Variants in PPP1R12A observed in about 807,000 individuals in gnomAD.
PPP1R12A encodes the protein myosin binding subunit.
PPP1R12A carries 19 observed loss-of-function variants against 139.6 expected under a neutral mutation model. The ratio of observed to expected loss-of-function variants is 0.14; its 90% confidence interval spans 0.09 to 0.20. PPP1R12A has a LOEUF of 0.20. PPP1R12A is among the 10% of genes least tolerant of loss of function. The pLI, the probability that PPP1R12A is intolerant of heterozygous loss-of-function variation, is 1.00. For missense variants in PPP1R12A, 925 were observed against 1,211.5 expected (o/e 0.76, Z 3.51); for synonymous variants, 427 against 420.6 (o/e 1.02, Z -0.19).
At chr12:79,813,732 T>G (rs10161115) in intron 9 of PPP1R12A, among the ~76,000 whole-genome samples, 16,947 of 152,210 alleles carry the variant, frequency 0.11, 1,785 homozygotes, top group African/African-American at 0.27. Context: ...CAGCTTGATA[T>G]TGCTACAGAA....
rs183456976 is a variant in PPP1R12A at position 79,899,487 on chromosome 12, G to A, written c.238-26549C>T. ...CTTCATGTAAATGGAATCTTAGAAC[G>A]TATCTTTATTTTGTGAAAGGCTTCT... On this transcript the variant is annotated intron_variant, in intron 1 of 24. Transcript: ENST00000450142. Among the ~76,000 whole-genome samples, 141 of 151,968 alleles carry A rather than the reference G, an allele frequency of 9.3e-4. 1 individual carries two copies. The highest frequency in any genetic ancestry group is 3.0e-3 in the African/African-American group (125 of 41,482).
upstream of PPP1R12A, chr12:79,935,169 C>G (rs1028789654): frequency 6.7e-6 from 9 of 1,335,074 alleles, no homozygotes; most frequent in Non-Finnish European, 8.6e-6. Flanking sequence ...CACGGCCACC[C>G]GTCACCGGCG....
chr12:79,888,512 G>C (rs1313393283), intron 1 of PPP1R12A, among the ~76,000 whole-genome samples: 1 of 151,994 alleles, frequency 6.6e-6, no homozygotes, highest in Non-Finnish European at 1.5e-5. Flanking sequence ...GCAGTAGCTT[G>C]AAGAGGCAGG....
At chr12:79,829,776 T>C (rs1017463986) in intron 4 of PPP1R12A, among the ~76,000 whole-genome samples, 1 of 152,126 alleles carries the variant, frequency 6.6e-6, no homozygotes, top group Non-Finnish European at 1.5e-5. Flanking sequence ...AATAATAATG[T>C]TAAATATGCT....
rs376887836 is a variant in PPP1R12A, at chr12:79,808,509, T to G, written c.1524A>C (p.Thr508=). Reference sequence around the variant, plus strand: ...TGTTTTCTTTCTCTTCAATGTCAGATGTACTGGCTAGTCGTCTTGGTATTG... The same window carrying G: ...TGTTTTCTTTCTCTTCAATGTCAGAGGTACTGGCTAGTCGTCTTGGTATTG... ...APTIPRRLAS[T]SDIEEKENRD... is the part of the protein sequence containing the mutation. The change falls in exon 11 of 25, where the codon ACA becomes ACC. Residue 508 remains threonine, a synonymous_variant. Transcript: ENST00000450142. The G allele has an allele frequency of 2.5e-6, 4 of 1,606,960 alleles. 1 individual carries two copies. The highest frequency in any genetic ancestry group is 3.3e-4 in the Middle Eastern group (2 of 6,072).
chr12:79,930,089 T>C (rs1888135220), intron 1 of PPP1R12A, among the ~76,000 whole-genome samples: 1 of 152,150 alleles, frequency 6.6e-6, no homozygotes, highest in African/African-American at 2.4e-5. Context: ...CACTATTCAG[T>C]AAAAAGTGTT....
At chr12:79,875,891 T>C (rs1883053800) in intron 1 of PPP1R12A, among the ~76,000 whole-genome samples, 2 of 152,068 alleles carry the variant, frequency 1.3e-5, no homozygotes, top group Non-Finnish European at 1.5e-5. Context: ...TGTTTGTTCA[T>C]ATTTGGGAAA....
chr12:79,890,628 T>C (rs1884495012), intron 1 of PPP1R12A, among the ~76,000 whole-genome samples: 1 of 152,168 alleles, frequency 6.6e-6, no homozygotes, highest in Admixed American at 6.5e-5. Context: ...AAAGAGATTC[T>C]GAAAAGATGC....
chr12:79,885,151 C>T (rs982787789), intron 1 of PPP1R12A, among the ~76,000 whole-genome samples: 1 of 152,076 alleles, frequency 6.6e-6, no homozygotes, highest in African/African-American at 2.4e-5. Flanking sequence ...AGTACAAACT[C>T]TAGAGCCAGA....
intron 2 of PPP1R12A, among the ~76,000 whole-genome samples, chr12:79,851,817 CTATTTTCTCTCTGCTGTTCAGATTTGGCA>C (rs1445383471): frequency 6.6e-6 from 1 of 152,138 alleles, no homozygotes; most frequent in Non-Finnish European, 1.5e-5. Flanking sequence ...CATTTTTAGC[CTATTTTCTCTCTGCTGTTCAGATTTGGCA>C]ATTTGTATTG....
chr12:79,902,269 T>G (rs1411339159), intron 1 of PPP1R12A, among the ~76,000 whole-genome samples: 1 of 152,204 alleles, frequency 6.6e-6, no homozygotes, highest in Non-Finnish European at 1.5e-5. Flanking sequence ...CAAGTGTTAC[T>G]AATAATATCA....
intron 2 of PPP1R12A, 65 bp downstream of exon 2, chr12:79,872,743 C>A (rs2656037): frequency 6.6e-7 from 1 of 1,522,146 alleles, no homozygotes; most frequent in Non-Finnish European, 9.0e-7. Flanking sequence ...ATCTTTATCA[C>A]TTCAATAAAC....
chr12:79,829,432 T>G (rs1332449047), intron 4 of PPP1R12A, among the ~76,000 whole-genome samples: 1 of 152,158 alleles, frequency 6.6e-6, no homozygotes, highest in African/African-American at 2.4e-5. Flanking sequence ...CTAATACAGC[T>G]GTTTCTAATC....
intron 13 of PPP1R12A, 46 bp downstream of exon 13, chr12:79,806,120 C>A (rs1349515550): frequency 1.3e-6 from 2 of 1,582,476 alleles, no homozygotes; most frequent in Non-Finnish European, 1.7e-6. Context: ...CATGCACATA[C>A]ATAAGCACAC....
intron 24 of PPP1R12A, chr12:79,777,644 G>A: frequency 1.0e-6 from 1 of 984,480 alleles, no homozygotes; most frequent in Non-Finnish European, 1.2e-6. Flanking sequence ...GCTTTATTTG[G>A]TGCAGGTTCT....
In PPP1R12A at chr12:79,844,084, T is replaced by TTTAA. The variant is rs140631392; in HGVS notation, c.487+1214_487+1217dup. ...TCTAATTCACAGCATTTACATAGCA[T>TTTAA]TTAAAGTGTAGAATTCAATGGTTTT... On this transcript the variant is annotated intron_variant, in intron 3 of 24. Transcript: ENST00000450142. Among the ~76,000 whole-genome samples the TTTAA allele has an allele frequency of 7.7e-3, 1,179 of 152,222 alleles. 15 individuals are homozygous for TTTAA. Among genetic ancestry groups the TTTAA allele is most frequent in the African/African-American group, 0.027 (1,119 of 41,524 alleles).
intron 2 of PPP1R12A, among the ~76,000 whole-genome samples, chr12:79,857,853 C>T (rs1364070743): frequency 2.6e-5 from 4 of 152,168 alleles, no homozygotes; most frequent in African/African-American, 4.8e-5. Flanking sequence ...TCAGAATTTA[C>T]GTCTCAAGAA....
At chr12:79,875,128 T>C (rs185122790) in intron 1 of PPP1R12A, among the ~76,000 whole-genome samples, 177 of 152,330 alleles carry the variant, frequency 1.2e-3, no homozygotes, top group African/African-American at 4.2e-3. Context: ...TCCATAATTT[T>C]CAGATTAGGG....
chr12:79,792,114 A>G (rs546989551), intron 19 of PPP1R12A, among the ~76,000 whole-genome samples: 1 of 152,296 alleles, frequency 6.6e-6, no homozygotes, highest in Non-Finnish European at 1.5e-5. Context: ...CATTCTCTAG[A>G]TAACCACTGT....
Sources: allele counts gnomAD v4.1 joint callset (sites outside exome capture counted in the v4.1 genomes callset), GRCh38; gene constraint gnomAD v4.1.1; transcripts MANE v1.5; gene names NCBI Gene and HGNC (gene_info 2026-07-23, HGNC 2026-07-21).